COL22A1: variants seen among roughly 807,000 people sequenced by gnomAD.
The protein encoded by COL22A1 is collagen type XXII alpha 1 chain, also known as collagen alpha-1(XXII) chain.
Under a neutral mutation model 248.9 loss-of-function variants are expected in COL22A1, and 221 were observed. That is an observed-to-expected ratio of 0.89 (90% CI 0.80 to 0.99). The LOEUF (loss-of-function observed/expected upper bound fraction) is 0.99, where lower values mean the gene tolerates loss of function less well. COL22A1 is among the 50% of genes least tolerant of loss of function. The probability of loss-of-function intolerance (pLI) is 0.00; values close to 1 mark genes in which losing one functional copy is unlikely to be tolerated. For synonymous variants in COL22A1, 891 were observed against 793.4 expected, an observed-to-expected ratio of 1.12 and a Z score of -2.07; for missense variants, 2,240 against 2,179.0, an observed-to-expected ratio of 1.03 and a Z score of -0.56.
chr8:138,737,816 A>C (rs1195257690), intron 22 of COL22A1, among the ~76,000 whole-genome samples: 1 of 151,982 alleles, frequency 6.6e-6, no homozygotes, highest in Non-Finnish European at 1.5e-5. Context: ...GTGTTCGGTA[A>C]CTCATGGACC....
At chr8:138,883,313 C>A in intron 1 of COL22A1, 69 bp from the exon 2 acceptor site, 2 of 849,706 alleles carry the variant, frequency 2.4e-6, no homozygotes, top group Non-Finnish European at 3.6e-6. Flanking sequence ...AACTCTGGGC[C>A]CTGCCCAGGG....
chr8:138,889,930 A>G (rs898000288), intron 1 of COL22A1, among the ~76,000 whole-genome samples: 1 of 152,210 alleles, frequency 6.6e-6, no homozygotes, highest in South Asian at 2.1e-4. Context: ...TACTCAAGAA[A>G]AGACAGAACT....
At chr8:138,644,323 A>G (rs1822007184) in intron 47 of COL22A1, among the ~76,000 whole-genome samples, 1 of 152,174 alleles carries the variant, frequency 6.6e-6, no homozygotes, top group Non-Finnish European at 1.5e-5. Context: ...TTATTTACCT[A>G]GGTTGCTGAG....
chr8:138,717,445 C>T (rs1829531939), intron 27 of COL22A1, among the ~76,000 whole-genome samples: 1 of 152,058 alleles, frequency 6.6e-6, no homozygotes, highest in Non-Finnish European at 1.5e-5. Context: ...CTGCGCCCGG[C>T]CAGAATTTAT....
At chr8:138,721,641 T>C (rs1468681212) in intron 26 of COL22A1, among the ~76,000 whole-genome samples, 1 of 152,226 alleles carries the variant, frequency 6.6e-6, no homozygotes, top group African/African-American at 2.4e-5. Context: ...TTGCCCAGGC[T>C]ATAGTGCAAT....
chr8:138,792,423 C>A (rs550856754), intron 12 of COL22A1, among the ~76,000 whole-genome samples: 3 of 152,362 alleles, frequency 2.0e-5, no homozygotes, highest in South Asian at 2.1e-4. Context: ...ACTCAGCAAC[C>A]GATCTGTCTC....
chr8:138,658,880 C>A (rs907544278), intron 44 of COL22A1, among the ~76,000 whole-genome samples: 10 of 152,072 alleles, frequency 6.6e-5, no homozygotes, highest in Non-Finnish European at 4.4e-5. Flanking sequence ...TCTCTCTTCT[C>A]TCTTCTCTCT....
At chr8:138,704,935 A>C (rs1230799895) in intron 30 of COL22A1, among the ~76,000 whole-genome samples, 1 of 152,222 alleles carries the variant, frequency 6.6e-6, no homozygotes, top group Non-Finnish European at 1.5e-5. Flanking sequence ...GAAGACCTTA[A>C]ATAACCTGAT....
intron 41 of COL22A1, among the ~76,000 whole-genome samples, chr8:138,674,491 T>C (rs1403339444): frequency 1.3e-5 from 2 of 152,240 alleles, no homozygotes; most frequent in African/African-American, 2.4e-5. Context: ...CGGAAGCTTT[T>C]AATAAGTCCA....
In COL22A1 at chr8:138,589,377, T is replaced by A. The variant is rs1156665840; in HGVS notation, c.4757A>T (p.Glu1586Val). 6.2e-7 allele frequency: 1 copy of A among 1,606,842 alleles called. No individual in the cohort carries two copies. Among genetic ancestry groups the A allele is most frequent in the Non-Finnish European group, 8.5e-7 (1 of 1,176,440 alleles). ...GLPGIPGPQG[E>V]TGPAGHPGLP... Reference sequence around the variant, plus strand: ...GCCAGGATGTCCAGCTGGTCCTGTCTCCCCTTGAGGGCCAGGGATCCCAGG... The same window carrying A: ...GCCAGGATGTCCAGCTGGTCCTGTCACCCCTTGAGGGCCAGGGATCCCAGG... Residue 1586 changes from glutamate (E) to valine (V), a missense_variant, in exon 65 of 65, where the codon GAG becomes GTG. Physicochemically the swap from Glu to Val is moderately radical, Grantham distance 121. Transcript: ENST00000303045.
chr8:138,667,486 A>G (rs141971274), intron 41 of COL22A1, among the ~76,000 whole-genome samples: 31 of 152,324 alleles, frequency 2.0e-4, no homozygotes, highest in African/African-American at 7.2e-4. Flanking sequence ...TTTAAAACAC[A>G]TCAAATGTGT....
chr8:138,804,807 A>C (rs1817333225), intron 10 of COL22A1, among the ~76,000 whole-genome samples: 1 of 122,230 alleles, frequency 8.2e-6, no homozygotes, highest in African/African-American at 3.5e-5. Context: ...TGTGTGTGTG[A>C]TGGGATGTGT....
intron 57 of COL22A1, among the ~76,000 whole-genome samples, chr8:138,607,204 C>T (rs1436636940): frequency 6.6e-6 from 1 of 152,182 alleles, no homozygotes; most frequent in South Asian, 2.1e-4. Flanking sequence ...ATCCGAAGTA[C>T]CAAGTCCTGG....
Position 138,646,665 on chromosome 8 carries a change from T to C in COL22A1, c.3465A>G (p.Pro1155=), listed in dbSNP as rs767121218. The change falls in exon 47 of 65, where the codon CCA becomes CCG. Residue 1155 remains proline, a synonymous_variant. Coordinates refer to ENST00000303045, the MANE Select transcript of COL22A1 (RefSeq NM_152888.3). Reference sequence around the variant, plus strand: ...CTATTCCTGGGGGCCCTGGTAGGCCTGGAGGCCCAGCCTCTCCCTGTATCA... The same window carrying C: ...CTATTCCTGGGGGCCCTGGTAGGCCCGGAGGCCCAGCCTCTCCCTGTATCA... ...TEGKKGEAGP[P]GLPGPPGIAG... 3 of 1,578,230 alleles carry C rather than the reference T, an allele frequency of 1.9e-6. No individual in the cohort carries two copies. The highest frequency in any genetic ancestry group is 1.2e-5 in the South Asian group (1 of 85,084).
At chr8:138,802,819 C>T in intron 11 of COL22A1, 53 bp downstream of exon 11, 1 of 1,414,400 alleles carries the variant, frequency 7.1e-7, no homozygotes, top group Non-Finnish European at 1.0e-6. Flanking sequence ...GGCCCTGGGT[C>T]CCCCACGCCC....
chr8:138,656,698 G>C (rs1379183139), intron 44 of COL22A1, among the ~76,000 whole-genome samples: 1 of 152,118 alleles, frequency 6.6e-6, no homozygotes, highest in Non-Finnish European at 1.5e-5. Flanking sequence ...AGGAAAGAAG[G>C]GATTCTTAGG....
At chr8:138,902,249 C>T (rs1814641464) in intron 1 of COL22A1, among the ~76,000 whole-genome samples, 1 of 152,162 alleles carries the variant, frequency 6.6e-6, no homozygotes, top group Non-Finnish European at 1.5e-5. Flanking sequence ...AGGCCACTGC[C>T]CCTCTCCTTT....
At chr8:138,731,532 T>C (rs908912651) in intron 23 of COL22A1, among the ~76,000 whole-genome samples, 2 of 152,122 alleles carry the variant, frequency 1.3e-5, no homozygotes, top group African/African-American at 4.8e-5. Context: ...CACAACCTGA[T>C]ACTCAAAAGG....
intron 35 of COL22A1, among the ~76,000 whole-genome samples, chr8:138,692,076 G>T (rs1253408855): frequency 9.3e-6 from 1 of 107,004 alleles, no homozygotes; most frequent in Admixed American, 1.0e-4. Context: ...TTGTGGAGGT[G>T]TATGTGTATA....
Sources: gnomAD v4.1 joint callset for allele counts (sites outside exome capture counted in the v4.1 genomes callset) on GRCh38, gnomAD v4.1.1 for gene constraint, MANE v1.5 for transcripts, NCBI Gene and HGNC (gene_info 2026-07-23, HGNC 2026-07-21) for gene names.